The following TMEM132D variants were observed in gnomAD, a reference collection of about 807,000 sequenced individuals.
TMEM132D encodes the protein mature OL transmembrane protein.
A neutral mutation model predicts 62.3 loss-of-function variants in TMEM132D; 21 were observed. The ratio of observed to expected loss-of-function variants is 0.34; its 90% CI spans 0.24 to 0.49. The LOEUF is 0.49. Ranked by LOEUF, TMEM132D falls within the 20% of genes least tolerant of loss-of-function variation. TMEM132D has a pLI of 0.99. For synonymous variants in TMEM132D, 621 were observed against 575.6 expected, an observed-to-expected ratio of 1.08 and a Z score of -1.13; for missense variants, 1,346 against 1,402.8, an observed-to-expected ratio of 0.96 and a Z score of 0.65.
intron 4 of TMEM132D, among the ~76,000 whole-genome samples, chr12:129,299,665 G>C (rs73422229): frequency 0.092 from 13,523 of 147,156 alleles, 1,287 homozygotes; most frequent in African/African-American, 0.24. Flanking sequence ...AACATGTAGA[G>C]ACTATTAACA....
intron 4 of TMEM132D, among the ~76,000 whole-genome samples, chr12:129,275,234 T>C (rs1880972951): frequency 6.6e-6 from 1 of 152,096 alleles, no homozygotes; most frequent in South Asian, 2.1e-4. Flanking sequence ...TGAGCCATGA[T>C]TGCACCACTG....
intron 3 of TMEM132D, among the ~76,000 whole-genome samples, chr12:129,415,895 G>C (rs548887764): frequency 6.6e-6 from 1 of 152,178 alleles, no homozygotes; most frequent in African/African-American, 2.4e-5. Flanking sequence ...TCAGATCTTT[G>C]CTCTTCTCTG....
At chr12:129,666,672 A>C (rs1165060018) in intron 2 of TMEM132D, among the ~76,000 whole-genome samples, 1 of 152,174 alleles carries the variant, frequency 6.6e-6, no homozygotes, top group Non-Finnish European at 1.5e-5. Context: ...AAACAGTCAG[A>C]CCTTATCTTC....
Position 129,472,651 on chromosome 12 carries a change from T to A in TMEM132D, c.1115+58408A>T, listed in dbSNP as rs544798947. 2.6e-5 allele frequency among the ~76,000 whole-genome samples: 4 copies of A among 152,184 alleles called. No homozygotes were observed. The South Asian group carries it at 6.2e-4, about 24-fold the overall frequency. Reference sequence around the variant, plus strand: ...AAAAAGAGGACCTGTTTCATATGCATGAAAAAGGTGGTTTGTGGACATAGT... The same window carrying A: ...AAAAAGAGGACCTGTTTCATATGCAAGAAAAAGGTGGTTTGTGGACATAGT... On this transcript the variant is annotated intron_variant, in intron 3 of 8. Coordinates refer to ENST00000422113, the MANE Select transcript of TMEM132D (RefSeq NM_133448.3).
At chr12:129,588,143 G>A (rs1447912090) in intron 2 of TMEM132D, among the ~76,000 whole-genome samples, 1 of 152,194 alleles carries the variant, frequency 6.6e-6, no homozygotes, top group African/African-American at 2.4e-5. Flanking sequence ...TGTGATTTCT[G>A]TGGATTTACA....
chr12:129,416,845 T>C (rs1872135556), intron 3 of TMEM132D, among the ~76,000 whole-genome samples: 1 of 152,230 alleles, frequency 6.6e-6, no homozygotes, highest in Non-Finnish European at 1.5e-5. Context: ...TGGATTATGT[T>C]TACTGATTTG....
intron 1 of TMEM132D, among the ~76,000 whole-genome samples, chr12:129,776,784 G>C (rs1446480053): frequency 7.8e-6 from 1 of 127,476 alleles, no homozygotes; most frequent in Non-Finnish European, 1.6e-5. Flanking sequence ...TAAATAATGG[G>C]CTTCAAAAAA....
chr12:129,412,403 A>T (rs762741951), intron 3 of TMEM132D, among the ~76,000 whole-genome samples: 1 of 152,214 alleles, frequency 6.6e-6, no homozygotes, highest in South Asian at 2.1e-4. Flanking sequence ...AAAGCAAACA[A>T]CAAGTGCCCT....
intron 1 of TMEM132D, among the ~76,000 whole-genome samples, chr12:129,817,378 G>A (rs112140705): frequency 8.5e-5 from 13 of 152,256 alleles, no homozygotes; most frequent in South Asian, 2.1e-4. Flanking sequence ...ACCAGACGCC[G>A]TAACAAGAAG....
chr12:129,538,415 C>T (rs1384483756), intron 2 of TMEM132D, among the ~76,000 whole-genome samples: 1 of 152,168 alleles, frequency 6.6e-6, no homozygotes, highest in Admixed American at 6.5e-5. Context: ...GGGCCTCATA[C>T]AGTGGAGCAG....
intron 1 of TMEM132D, among the ~76,000 whole-genome samples, chr12:129,823,183 C>T (rs1007137421): frequency 6.6e-6 from 1 of 152,196 alleles, no homozygotes; most frequent in Non-Finnish European, 1.5e-5. Flanking sequence ...GAGGCCTCCC[C>T]AGAAGCAGAA....
Position 129,454,820 on chromosome 12 carries a change from C to T in TMEM132D, c.1115+76239G>A, listed in dbSNP as rs58692280. Among the ~76,000 whole-genome samples, 3,292 of 152,256 alleles carry T rather than the reference C, an allele frequency of 0.022. 301 individuals carry two copies. In the East Asian group the frequency reaches 0.29, roughly 14 times the overall value. On this transcript the variant is annotated intron_variant, in intron 3 of 8. Coordinates refer to ENST00000422113, the MANE Select transcript of TMEM132D (RefSeq NM_133448.3). Reference sequence around the variant, plus strand: ...CTTAGCTCTGAGCCATCCACAAGTGCCATTACAATCCAAGATGGCAGGCAG... The same window carrying T: ...CTTAGCTCTGAGCCATCCACAAGTGTCATTACAATCCAAGATGGCAGGCAG...
chr12:129,894,446 CT>C (rs1875036315), intron 1 of TMEM132D, among the ~76,000 whole-genome samples: 1 of 152,150 alleles, frequency 6.6e-6, no homozygotes, highest in Non-Finnish European at 1.5e-5. Context: ...CAAAGAGGGT[CT>C]GAAAGGTAGA....
At chr12:129,760,228 C>CG (rs1328872790) in intron 1 of TMEM132D, among the ~76,000 whole-genome samples, 1 of 151,440 alleles carries the variant, frequency 6.6e-6, no homozygotes, top group Non-Finnish European at 1.5e-5. Context: ...TTTGAACACA[C>CG]GGGAAGTCTG....
At chr12:129,747,418 T>A (rs1421413817) in intron 1 of TMEM132D, among the ~76,000 whole-genome samples, 2 of 147,006 alleles carry the variant, frequency 1.4e-5, no homozygotes, top group Non-Finnish European at 3.0e-5. Context: ...ACACACATTC[T>A]CACACACACA....
intron 2 of TMEM132D, among the ~76,000 whole-genome samples, chr12:129,636,414 T>C (rs11614881): frequency 0.044 from 6,773 of 152,230 alleles, 196 homozygotes; most frequent in Admixed American, 0.086. Flanking sequence ...GTTTTCTCAG[T>C]GTTTATATCT....
At chr12:129,646,776 T>G (rs1879789121) in intron 2 of TMEM132D, among the ~76,000 whole-genome samples, 2 of 150,868 alleles carry the variant, frequency 1.3e-5, no homozygotes, top group African/African-American at 2.4e-5. Flanking sequence ...CACAAAGATA[T>G]AAACACACAT....
intron 4 of TMEM132D, among the ~76,000 whole-genome samples, chr12:129,228,682 A>G (rs1259544239): frequency 6.6e-6 from 1 of 152,180 alleles, no homozygotes; most frequent in African/African-American, 2.4e-5. Flanking sequence ...ATGCTGTAGC[A>G]CGGGTCAGTG....
chr12:129,245,605 T>C (rs1250018897), intron 4 of TMEM132D, among the ~76,000 whole-genome samples: 1 of 152,146 alleles, frequency 6.6e-6, no homozygotes, highest in Non-Finnish European at 1.5e-5. Context: ...GGATTTCTGA[T>C]ATCAGCTGAG....
Sources: allele counts gnomAD v4.1 joint callset (sites outside exome capture counted in the v4.1 genomes callset), GRCh38; gene constraint gnomAD v4.1.1; transcripts MANE v1.5; gene names NCBI Gene and HGNC (gene_info 2026-07-23, HGNC 2026-07-21).